Variants in GLMN observed in about 807,000 individuals in gnomAD.
The protein encoded by GLMN is glomulin.
A neutral mutation model predicts 87.8 loss-of-function variants in GLMN; 75 were observed. That is an observed-to-expected ratio of 0.85 (90% CI 0.71 to 1.04). GLMN has a LOEUF of 1.04. Ranked by LOEUF, GLMN falls within the 50% of genes least tolerant of loss-of-function variation. The pLI, the probability that GLMN is intolerant of heterozygous loss-of-function variation, is 0.00. For synonymous variants in GLMN, 206 were observed against 221.6 expected (o/e 0.93, Z 0.63); for missense variants, 588 against 658.8 (o/e 0.89, Z 1.18).
At chr1:92,314,311 T>G in the GLMN span, among the ~76,000 whole-genome samples, 3 of 152,066 alleles carry the variant, frequency 2.0e-5, no homozygotes, top group Non-Finnish European at 1.5e-5. Flanking sequence ...TAAGGGTTTT[T>G]TTGTTGTTGT....
At chr1:92,312,418 C>CA in the GLMN span, among the ~76,000 whole-genome samples, 149 of 146,760 alleles carry the variant, frequency 1.0e-3, no homozygotes, top group Non-Finnish European at 1.0e-3. Context: ...GACCGTGTCT[C>CA]AAAAAAAAAA....
intron 13 of GLMN, among the ~76,000 whole-genome samples, chr1:92,266,195 A>G (rs933588419): frequency 5.3e-5 from 8 of 152,222 alleles, no homozygotes; most frequent in African/African-American, 1.7e-4. Flanking sequence ...TTGAACTGCA[A>G]TATATACTAT....
At chr1:92,354,510 T>G in the GLMN span, among the ~76,000 whole-genome samples, 1 of 152,226 alleles carries the variant, frequency 6.6e-6, no homozygotes. Flanking sequence ...CACCACAAAG[T>G]GAGTTACAAA....
At chr1:92,304,328 C>T in the GLMN span, 36 of 1,523,700 alleles carry the variant, frequency 2.4e-5, no homozygotes, top group African/African-American at 4.4e-4. Flanking sequence ...CCAATAAAGT[C>T]TATGATATTA....
chr1:92,313,440 A>C, the GLMN span, among the ~76,000 whole-genome samples: 2 of 103,682 alleles, frequency 1.9e-5, no homozygotes, highest in African/African-American at 6.0e-5. Flanking sequence ...TTTGGAAAGG[A>C]ATCTTTTTTT....
chr1:92,285,468 G>A (rs898375802), intron 7 of GLMN, among the ~76,000 whole-genome samples: 2 of 152,040 alleles, frequency 1.3e-5, no homozygotes, highest in Admixed American at 6.5e-5. Flanking sequence ...TGGTTGGGGC[G>A]TGGGGGGCTG....
At chr1:92,307,317 C>A in the GLMN span, 1 of 1,342,034 alleles carries the variant, frequency 7.5e-7, no homozygotes, top group Non-Finnish European at 1.0e-6. Context: ...TTCATATATT[C>A]TAATAATTTG....
At chr1:92,283,970 A>C (rs532921756) in intron 7 of GLMN, among the ~76,000 whole-genome samples, 1 of 152,310 alleles carries the variant, frequency 6.6e-6, no homozygotes, top group African/African-American at 2.4e-5. Context: ...AAAATAAAAG[A>C]GGACACAAAC....
chr1:92,341,693 G>A, the GLMN span, among the ~76,000 whole-genome samples: 2,967 of 152,314 alleles, frequency 0.019, 299 homozygotes, highest in East Asian at 0.31. Context: ...CGTCCAGGCT[G>A]GAGTGCAGTG....
chr1:92,316,003 A>G, the GLMN span, among the ~76,000 whole-genome samples: 2 of 152,366 alleles, frequency 1.3e-5, no homozygotes, highest in Admixed American at 1.3e-4. Flanking sequence ...GTGTGCTCAC[A>G]TAGGTAATTA....
intron 16 of GLMN, among the ~76,000 whole-genome samples, chr1:92,255,808 T>C (rs989295081): frequency 4.6e-5 from 7 of 151,718 alleles, no homozygotes; most frequent in Non-Finnish European, 7.4e-5. Context: ...AAGGAGAAAG[T>C]GGGAAAGATC....
chr1:92,320,742 G>A, the GLMN span: 34 of 757,086 alleles, frequency 4.5e-5, no homozygotes, highest in Admixed American at 2.2e-4. Context: ...GATGCATTAT[G>A]TAAGTGTCCC....
At chr1:92,328,568 T>A in the GLMN span, among the ~76,000 whole-genome samples, 1 of 152,220 alleles carries the variant, frequency 6.6e-6, no homozygotes, top group Non-Finnish European at 1.5e-5. Flanking sequence ...TTTGTTTGAT[T>A]TCTTTAAGTT....
the GLMN span, among the ~76,000 whole-genome samples, chr1:92,322,479 G>T: frequency 6.6e-6 from 1 of 151,714 alleles, no homozygotes; most frequent in Non-Finnish European, 1.5e-5. Context: ...GGGAAGCAGA[G>T]GTTGCAGTGA....
the GLMN span, among the ~76,000 whole-genome samples, chr1:92,336,935 A>G: frequency 1.2e-4 from 18 of 152,236 alleles, 1 homozygote; most frequent in African/African-American, 4.1e-4. Flanking sequence ...TAGAGAATTG[A>G]TATCAATTGT....
the GLMN span, among the ~76,000 whole-genome samples, chr1:92,360,206 A>T: frequency 6.6e-6 from 1 of 152,250 alleles, no homozygotes; most frequent in African/African-American, 2.4e-5. Context: ...AGAAAAATGT[A>T]GTAACTACCT....
chr1:92,259,890 T>A (rs922285562), intron 16 of GLMN, among the ~76,000 whole-genome samples: 1 of 151,852 alleles, frequency 6.6e-6, no homozygotes, highest in East Asian at 1.9e-4. Flanking sequence ...CCCGCCACCA[T>A]GCCTGGCTAA....
the GLMN span, among the ~76,000 whole-genome samples, chr1:92,312,278 G>T: frequency 6.6e-6 from 1 of 152,126 alleles, no homozygotes. Context: ...TTAGCTGGGT[G>T]TGGTGGCACA....
At chr1:92,347,019 A>C in the GLMN span, among the ~76,000 whole-genome samples, 2 of 152,122 alleles carry the variant, frequency 1.3e-5, no homozygotes, top group Non-Finnish European at 2.9e-5. Flanking sequence ...TCAGTCTGAC[A>C]TGTTATTCTG....
Sources: allele counts gnomAD v4.1 joint callset (sites outside exome capture counted in the v4.1 genomes callset), GRCh38; gene constraint gnomAD v4.1.1; transcripts MANE v1.5; gene names NCBI Gene and HGNC (gene_info 2026-07-23, HGNC 2026-07-21).